PIEZO1: variants seen among roughly 807,000 people sequenced by gnomAD.
The protein encoded by PIEZO1 is piezo-type mechanosensitive ion channel component 1.
In PIEZO1, 296 loss-of-function variants were observed where a neutral mutation model predicts 297.2. The observed-to-expected ratio is 1.00, with a 90% CI of 0.91 to 1.10. PIEZO1 has a LOEUF of 1.10. Among genes scored for constraint, PIEZO1 ranks in the 50% least tolerant of loss-of-function variants. The pLI, the probability that PIEZO1 is intolerant of heterozygous loss-of-function variation, is 0.00. For synonymous variants in PIEZO1, 2,427 were observed against 1,507.5 expected (o/e 1.61, Z -14.13); for missense variants, 5,018 against 3,455.5 (o/e 1.45, Z -11.34).
chr16:88,725,533 A>AG lies in PIEZO1; in HGVS notation c.4059-15dup. On this transcript the variant is annotated splice_polypyrimidine_tract_variant and intron_variant, in intron 28 of 50. Transcript: ENST00000301015. ...ATACGCTCCATCCTGTGGTGGGGAA[A>AG]GGTGGGGTATGCTGAGCATTGGGGG... is the stretch of plus-strand genomic sequence containing the variant. 1.3e-6 allele frequency: 2 copies of AG among 1,537,140 alleles called. No individual in the cohort carries two copies. Among genetic ancestry groups the AG allele is most frequent in the Non-Finnish European group, 1.8e-6 (2 of 1,138,080 alleles).
At chr16:88,749,337 C>A (rs1364798680) in intron 2 of PIEZO1, 47 bp downstream of exon 2, 1 of 1,291,768 alleles carries the variant, frequency 7.7e-7, no homozygotes, top group South Asian at 1.6e-5. Context: ...AAACGAATGC[C>A]CACCCCCTCC....
rs990602739 is a variant in PIEZO1 at position 88,741,815 on chromosome 16, G to C, written c.327-199C>G. On this transcript the variant is annotated intron_variant, in intron 4 of 50. Transcript: ENST00000301015. ...GAGTGTGGATGGGTCTGCAGGTGCG[G>C]GTGGGAGTGTGGATGGGTCTCCAGG... The C allele has an allele frequency of 4.8e-4, 109 of 226,684 alleles. 5 individuals are homozygous for C. Among genetic ancestry groups the C allele is most frequent in the Non-Finnish European group, 3.0e-4 (33 of 109,500 alleles). 14.0% of individuals were successfully genotyped at this position (226,684 alleles called of 1,614,324 possible). A position where few individuals can be genotyped will look rare whatever the true frequency, so the allele number is the denominator to read the frequency against.
At chr16:88,771,178 G>A (rs190193672) in intron 1 of PIEZO1, among the ~76,000 whole-genome samples, 197 of 152,326 alleles carry the variant, frequency 1.3e-3, no homozygotes, top group African/African-American at 4.4e-3. Flanking sequence ...CCCACAGAGC[G>A]ACCGCTACTG....
At position 88,725,016 on chromosome 16, in the gene PIEZO1, G is replaced by A. The variant is rs772732445; in HGVS notation, c.4227C>T (p.His1409=). The A allele has an allele frequency of 3.6e-5, 54 of 1,486,108 alleles. No individual in the cohort carries two copies. The highest frequency in any genetic ancestry group is 1.3e-4 in the South Asian group (10 of 75,320). 92.1% of individuals were successfully genotyped at this position (1,486,108 alleles called of 1,614,324 possible). A position where few individuals can be genotyped will look rare whatever the true frequency, so the allele number is the denominator to read the frequency against. The change falls in exon 30 of 51, where the codon CAC becomes CAT. Residue 1409 remains histidine (H), a synonymous_variant. Transcript: ENST00000301015. The part of the protein sequence containing the change: ...RRQWWRPWLD[H]ATVIHSGDYF... ...CGGCCTAATTGGGGGTACCTGTGGCGTGGTCCAGCCAGGGCCGCCACCACT... is the reference window on the plus strand; with the variant it reads ...CGGCCTAATTGGGGGTACCTGTGGCATGGTCCAGCCAGGGCCGCCACCACT...
rs1284547229 is a variant in PIEZO1, at chr16:88,753,294, C to T, written c.65-3815G>A. ...CTCACCCGCCCCCCCAGAGCGTACCCGGCCCCCCGCAGCACACCTCCCGCC... is the reference window on the plus strand; with the variant it reads ...CTCACCCGCCCCCCCAGAGCGTACCTGGCCCCCCGCAGCACACCTCCCGCC... On this transcript the variant is annotated intron_variant, in intron 1 of 50. Coordinates refer to ENST00000301015, the MANE Select transcript of PIEZO1 (RefSeq NM_001142864.4). 2.5e-4 allele frequency among the ~76,000 whole-genome samples: 22 copies of T among 88,964 alleles called. No individual in the cohort carries two copies. In the South Asian group the frequency reaches 4.1e-3, roughly 17 times the overall value. 58.4% of individuals were successfully genotyped at this position (88,964 alleles called of 152,430 possible).
At chr16:88,723,999 CCTTCCATGCAGGGAGACTCCCAGCCAGA>C (rs1904305855) in intron 30 of PIEZO1, 28 bp from the exon 31 acceptor site, 1 of 1,374,090 alleles carries the variant, frequency 7.3e-7, no homozygotes, top group Non-Finnish European at 1.0e-6. Context: ...TGAGAGCCAG[CCTTCCATGCAGGGAGACTCCCAGCCAGA>C]CCCCCTCCGC....
At chr16:88,725,879 G>C (rs775823615) in intron 27 of PIEZO1, 195 bp from the exon 28 acceptor site, 7 of 592,404 alleles carry the variant, frequency 1.2e-5, no homozygotes, top group Non-Finnish European at 1.5e-5. Flanking sequence ...CCCTTCTGCC[G>C]TACAGATGCA....
At chr16:88,719,471 G>A (rs928991460) in intron 44 of PIEZO1, 103 bp downstream of exon 44, 1 of 1,145,378 alleles carries the variant, frequency 8.7e-7, no homozygotes. Context: ...CGAGCCCTGG[G>A]AGGGCCTCCA....
At chr16:88,762,642 T>C (rs1488085277) in intron 1 of PIEZO1, among the ~76,000 whole-genome samples, 1 of 152,046 alleles carries the variant, frequency 6.6e-6, no homozygotes, top group Non-Finnish European at 1.5e-5. Flanking sequence ...GCCTCTCGGG[T>C]CTCCCGGCAG....
intron 1 of PIEZO1, among the ~76,000 whole-genome samples, chr16:88,766,806 G>C (rs1237058623): frequency 6.6e-6 from 1 of 152,238 alleles, no homozygotes; most frequent in African/African-American, 2.4e-5. Context: ...CCCGGCCCCA[G>C]CTGCTCTCAG....
intron 1 of PIEZO1, among the ~76,000 whole-genome samples, chr16:88,767,309 G>A (rs1167937841): frequency 6.6e-6 from 1 of 152,198 alleles, no homozygotes; most frequent in Non-Finnish European, 1.5e-5. Context: ...CCTGGGCCAG[G>A]TCCTGCCCAT....
At chr16:88,719,549 C>A (rs778396519) in intron 44 of PIEZO1, 25 bp downstream of exon 44, 1 of 1,545,032 alleles carries the variant, frequency 6.5e-7, no homozygotes, top group Non-Finnish European at 8.8e-7. Flanking sequence ...GCCCTTGTCC[C>A]GGCCCCCGCC....
intron 35 of PIEZO1, 33 bp from the exon 36 acceptor site, chr16:88,722,430 G>A (rs1273296663): frequency 2.2e-5 from 32 of 1,477,630 alleles, no homozygotes; most frequent in East Asian, 1.2e-4. Flanking sequence ...AGAGAATCCT[G>A]CTCTATGGCC....
At chr16:88,717,976 G>C (rs147624280) in intron 44 of PIEZO1, 1 of 338,494 alleles carries the variant, frequency 3.0e-6, no homozygotes, top group African/African-American at 2.2e-5. Context: ...CCAGCTACTC[G>C]GGAGGCTGAG....
chr16:88,742,122 G>C (rs1275497945), intron 3 of PIEZO1, 27 bp from the exon 4 acceptor site: 1 of 1,535,466 alleles, frequency 6.5e-7, no homozygotes, highest in East Asian at 2.4e-5. Flanking sequence ...GGGAACCCAG[G>C]TCAGGCTCTG....
chr16:88,737,597 T>C lies in PIEZO1; in HGVS notation c.1157A>G (p.His386Arg), dbSNP rs905956512. ...GACGGAGCTCTGGCCGGTCAGCTCG[T>C]GCACGATGCAGTTATCAGCCTCGGT... ...PDTEADNCIV[H>R]ELTGQSSVLR... is the part of the protein sequence containing the mutation. Residue 386 changes from histidine to arginine, a missense_variant, in exon 10 of 51, where the codon CAC (histidine) becomes CGC (arginine). By Grantham distance (29) the His-to-Arg change is conservative (BLOSUM62 0). Coordinates refer to ENST00000301015, the MANE Select transcript of PIEZO1 (RefSeq NM_001142864.4). 6.5e-7 allele frequency: 1 copy of C among 1,533,606 alleles called. No individual in the cohort carries two copies. Among genetic ancestry groups the C allele is most frequent in the Non-Finnish European group, 8.7e-7 (1 of 1,145,946 alleles). The allele number at this position is 1,533,606 out of a possible 1,614,324, so 95.0% of individuals were successfully genotyped here. A position where few individuals can be genotyped will look rare whatever the true frequency, so the allele number is the denominator to read the frequency against.
At position 88,733,362 on chromosome 16, in the gene PIEZO1, C is replaced by T. The variant is rs1339305756; in HGVS notation, c.2580G>A (p.Val860=). ...TACACACGATGATGACGCAGGTCCA[C>T]ACGGTGGACAGGCAGGAGGCCATGG... ...FRPMASCLST[V]WTCVIIVCKM... The change falls in exon 19 of 51, where the codon GTG becomes GTA. Residue 860 remains valine (V), a synonymous_variant. Transcript: ENST00000301015. 1 of 1,550,278 alleles carries T rather than the reference C, an allele frequency of 6.5e-7. No homozygotes were observed. The highest frequency in any genetic ancestry group is 8.7e-7 in the Non-Finnish European group (1 of 1,146,876).
chr16:88,720,563 G>C, intron 40 of PIEZO1, 31 bp from the exon 41 acceptor site: 1 of 1,545,766 alleles, frequency 6.5e-7, no homozygotes, highest in East Asian at 2.4e-5. Flanking sequence ...CCTGGGCCCA[G>C]TACCCGCCTC....
rs1214478495 is a variant in PIEZO1 at position 88,733,623 on chromosome 16, C to T, written c.2452G>A (p.Val818Met). ...GCCACCCAGACGGTGTACAGGGCCA[C>T]CAGCTTGAAAACGTGAAGCTCCAGC... ...RLLELHVFKLVALYTVWVALK... is the reference protein window; with the variant it reads ...RLLELHVFKLMALYTVWVALK... The change falls in exon 18 of 51, where the codon GTG becomes ATG. Residue 818 changes from valine (V) to methionine (M), a missense_variant. Coordinates refer to ENST00000301015, the MANE Select transcript of PIEZO1 (RefSeq NM_001142864.4). The T allele has an allele frequency of 1.9e-6, 3 of 1,549,278 alleles. No individual in the cohort carries two copies. Among genetic ancestry groups the T allele is most frequent in the Non-Finnish European group, 2.6e-6 (3 of 1,146,378 alleles).
Sources: gnomAD v4.1 joint callset for allele counts (sites outside exome capture counted in the v4.1 genomes callset) on GRCh38, gnomAD v4.1.1 for gene constraint, MANE v1.5 for transcripts, NCBI Gene and HGNC (gene_info 2026-07-23, HGNC 2026-07-21) for gene names.